RBM47: variants seen among roughly 807,000 people sequenced by gnomAD.
The protein encoded by RBM47 is RNA-binding protein 47.
A neutral mutation model predicts 47.1 loss-of-function variants in RBM47; 21 were observed. The ratio of observed to expected loss-of-function variants is 0.45; its 90% CI spans 0.32 to 0.64. The LOEUF (loss-of-function observed/expected upper bound fraction) is 0.64. Among genes scored for constraint, RBM47 ranks in the 30% least tolerant of loss-of-function variants. The probability of loss-of-function intolerance (pLI) is 0.05; values close to 1 mark genes in which losing one functional copy is unlikely to be tolerated. For synonymous variants in RBM47, 375 were observed against 361.7 expected, an observed-to-expected ratio of 1.04 and a Z score of -0.42; for missense variants, 708 against 870.9, an observed-to-expected ratio of 0.81 and a Z score of 2.35.
chr4:40,598,941 T>C (rs1735000178), intron 1 of RBM47, among the ~76,000 whole-genome samples: 1 of 151,774 alleles, frequency 6.6e-6, no homozygotes, highest in African/African-American at 2.4e-5. Context: ...CTGGTAAACA[T>C]TATTCTATAA....
intron 2 of RBM47, among the ~76,000 whole-genome samples, chr4:40,515,053 A>C (rs1725410051): frequency 6.6e-6 from 1 of 152,216 alleles, no homozygotes; most frequent in African/African-American, 2.4e-5. Flanking sequence ...GTGCTCATAA[A>C]CCATCCTCCA....
At chr4:40,483,424 C>T (rs1016457209) in intron 2 of RBM47, among the ~76,000 whole-genome samples, 1 of 152,188 alleles carries the variant, frequency 6.6e-6, no homozygotes, top group Non-Finnish European at 1.5e-5. Context: ...GCGAGACAGG[C>T]AGGGGTCAGA....
intron 2 of RBM47, among the ~76,000 whole-genome samples, chr4:40,477,522 T>A (rs1389448488): frequency 6.6e-6 from 1 of 152,240 alleles, no homozygotes; most frequent in Non-Finnish European, 1.5e-5. Flanking sequence ...TCTGTTTTTC[T>A]ATAAGAGTAA....
In RBM47 at chr4:40,554,798, A is replaced by G. The variant is rs9997839; in HGVS notation, c.-239-10292T>C. Among the ~76,000 whole-genome samples the G allele has an allele frequency of 5.7e-3, 815 of 144,058 alleles. 5 individuals carry two copies. Among genetic ancestry groups the G allele is most frequent in the African/African-American group, 0.02 (784 of 38,726 alleles). The allele number at this position is 144,058 out of a possible 152,430, so 94.5% of individuals were successfully genotyped here. On this transcript the variant is annotated intron_variant, in intron 1 of 6. Coordinates refer to ENST00000295971, the MANE Select transcript of RBM47 (RefSeq NM_001098634.2). The stretch of plus-strand genomic sequence containing the variant: ...CCTTTCTTCCTTTTTTTTTTAACGA[A>G]TCTCCCAGGCTTAAGGGCAGTGGCG...
At chr4:40,485,948 G>A (rs532341659) in intron 2 of RBM47, among the ~76,000 whole-genome samples, 1 of 150,680 alleles carries the variant, frequency 6.6e-6, no homozygotes, top group African/African-American at 2.5e-5. Flanking sequence ...GCATGCGCCT[G>A]TAGTCCCAAC....
Position 40,437,904 on chromosome 4 carries a change from T to G in RBM47, c.990A>C (p.Ala330=), listed in dbSNP as rs368013788. 4.5e-5 allele frequency: 73 copies of G among 1,613,970 alleles called. No individual in the cohort carries two copies. In the African/African-American group the frequency reaches 9.1e-4, roughly 20 times the overall value. ...DKEQYSRYQK[A]ARGGGAAEAA... is the part of the protein sequence containing the mutation. ...CCTCAGCCGCGCCGCCGCCCCTGGC[T>G]GCCTTCTGGTAGCGCGAGTACTGCT... The change falls in exon 4 of 7, where the codon GCA becomes GCC. Residue 330 remains alanine, a synonymous_variant. Coordinates refer to ENST00000295971, the MANE Select transcript of RBM47 (RefSeq NM_001098634.2).
rs34255711 is a variant in RBM47 at position 40,599,739 on chromosome 4, G to GAAAA, written c.-240+29653_-240+29656dup. 4.5e-3 allele frequency among the ~76,000 whole-genome samples: 624 copies of GAAAA among 138,696 alleles called. 7 individuals are homozygous for GAAAA. Among genetic ancestry groups the GAAAA allele is most frequent in the African/African-American group, 0.014 (534 of 38,172 alleles). 91.0% of individuals were successfully genotyped at this position (138,696 alleles called of 152,430 possible). A position where few individuals can be genotyped will look rare whatever the true frequency, so the allele number is the denominator to read the frequency against. On this transcript the variant is annotated intron_variant, in intron 1 of 6. Coordinates refer to ENST00000295971, the MANE Select transcript of RBM47 (RefSeq NM_001098634.2). ...CAGATGAGAATACAGAAATGAATTAGAAAAAAAAAAAAAATCCTCAAGCCA... is the reference window on the plus strand; with the variant it reads ...CAGATGAGAATACAGAAATGAATTAGAAAAAAAAAAAAAAAAAATCCTCAAGCCA...
In RBM47 at chr4:40,454,360, T is replaced by C. The variant is rs544569884; in HGVS notation, c.-32+12217A>G. Among the ~76,000 whole-genome samples, 20 of 152,328 alleles carry C rather than the reference T, an allele frequency of 1.3e-4. 1 individual carries two copies. The South Asian group carries it at 4.1e-3, about 32-fold the overall frequency. On this transcript the variant is annotated intron_variant, in intron 3 of 6. Transcript: ENST00000295971. Reference sequence around the variant, plus strand: ...ACCTGCAAAATGAGACTAGTAATAATTATCGCTATCTCAAAGCATCACTGT... The same window carrying C: ...ACCTGCAAAATGAGACTAGTAATAACTATCGCTATCTCAAAGCATCACTGT...
intron 2 of RBM47, among the ~76,000 whole-genome samples, chr4:40,469,768 C>G (rs1718573413): frequency 6.6e-6 from 1 of 151,984 alleles, no homozygotes; most frequent in South Asian, 2.1e-4. Flanking sequence ...TCCTTCTTTC[C>G]CTTTTTATGA....
chr4:40,474,117 C>G (rs1719287855), intron 2 of RBM47, among the ~76,000 whole-genome samples: 2 of 152,292 alleles, frequency 1.3e-5, no homozygotes, highest in African/African-American at 2.4e-5. Context: ...AACTGCCCAG[C>G]CTGGCCTCTG....
chr4:40,487,924 C>T (rs1178438198), intron 2 of RBM47, among the ~76,000 whole-genome samples: 3 of 133,070 alleles, frequency 2.3e-5, no homozygotes, highest in Non-Finnish European at 3.2e-5. Flanking sequence ...TCTGCACCTA[C>T]AGGGCCAGAG....
intron 1 of RBM47, among the ~76,000 whole-genome samples, chr4:40,616,874 CTTT>C (rs1300005872): frequency 9.0e-6 from 1 of 111,662 alleles, no homozygotes; most frequent in East Asian, 2.8e-4. Flanking sequence ...ATTTTCTTTT[CTTT>C]TTTTTTTTTT....
chr4:40,500,318 C>G (rs554408152), intron 2 of RBM47, among the ~76,000 whole-genome samples: 1 of 147,310 alleles, frequency 6.8e-6, no homozygotes, highest in African/African-American at 2.5e-5. Flanking sequence ...CGTCCCCCCC[C>G]AAAAAAAAAA....
In RBM47 at chr4:40,607,742, G is replaced by A. The variant is rs907937724; in HGVS notation, c.-240+21654C>T. ...AAGAAAAAGAAAAGAAAATATTCTGGAATAGATCATGGTGGTGGTTGCACA... is the reference window on the plus strand; with the variant it reads ...AAGAAAAAGAAAAGAAAATATTCTGAAATAGATCATGGTGGTGGTTGCACA... On this transcript the variant is annotated intron_variant, in intron 1 of 6. Coordinates refer to ENST00000295971, the MANE Select transcript of RBM47 (RefSeq NM_001098634.2). 2.6e-5 allele frequency among the ~76,000 whole-genome samples: 4 copies of A among 151,826 alleles called. 1 individual carries two copies. The highest frequency in any genetic ancestry group is 9.7e-5 in the African/African-American group (4 of 41,338).
At chr4:40,444,499 C>T (rs1465569758) in intron 3 of RBM47, among the ~76,000 whole-genome samples, 2 of 151,874 alleles carry the variant, frequency 1.3e-5, no homozygotes, top group African/African-American at 4.8e-5. Context: ...GAGACCCAGA[C>T]AGTGTGGCTC....
intron 2 of RBM47, among the ~76,000 whole-genome samples, chr4:40,513,201 A>C (rs1725171550): frequency 6.6e-6 from 1 of 152,186 alleles, no homozygotes; most frequent in Non-Finnish European, 1.5e-5. Flanking sequence ...TTTTCAAATG[A>C]CTGGCCACTT....
At chr4:40,576,469 C>G (rs1420445996) in intron 1 of RBM47, among the ~76,000 whole-genome samples, 1 of 152,084 alleles carries the variant, frequency 6.6e-6, no homozygotes, top group Admixed American at 6.5e-5. Context: ...ACTACCTAGC[C>G]CCTGTGATCA....
chr4:40,610,649 T>C, intron 1 of RBM47, among the ~76,000 whole-genome samples: 1 of 146,992 alleles, frequency 6.8e-6, no homozygotes, highest in East Asian at 2.0e-4. Flanking sequence ...ACCAAGCACA[T>C]AACACATGCT....
rs530429229 is a variant in RBM47, at chr4:40,600,759, G to A, written c.-240+28637C>T. Among the ~76,000 whole-genome samples the A allele has an allele frequency of 3.3e-5, 5 of 151,822 alleles. No homozygotes were observed. The South Asian group carries it at 1.0e-3, about 32-fold the overall frequency. On this transcript the variant is annotated intron_variant, in intron 1 of 6. Coordinates refer to ENST00000295971, the MANE Select transcript of RBM47 (RefSeq NM_001098634.2). The stretch of plus-strand genomic sequence containing the variant: ...CCCAGCACTTTGGGAGGCCAAGGCG[G>A]GCTGATCACCTGAGGTCGGGAGTTC...
Sources: gnomAD v4.1 joint callset for allele counts (sites outside exome capture counted in the v4.1 genomes callset) on GRCh38, gnomAD v4.1.1 for gene constraint, MANE v1.5 for transcripts, NCBI Gene and HGNC (gene_info 2026-07-23, HGNC 2026-07-21) for gene names.